UST: variants seen among roughly 807,000 people sequenced by gnomAD.
UST encodes chondroitin sulfate 2-O-sulfotransferase.
A neutral mutation model predicts 45.6 loss-of-function variants in UST; 21 were observed. The observed-to-expected ratio is 0.46, with a 90% CI of 0.33 to 0.66. The LOEUF (loss-of-function observed/expected upper bound fraction) is 0.66. Ranked by LOEUF, UST falls within the 30% of genes least tolerant of loss-of-function variation. The pLI is 0.02. For synonymous variants in UST, 215 were observed against 200.6 expected (o/e 1.07, Z -0.61); for missense variants, 463 against 512.4 (o/e 0.90, Z 0.93).
intron 1 of UST, among the ~76,000 whole-genome samples, chr6:148,861,035 C>T (rs1778302586): frequency 6.6e-6 from 1 of 152,186 alleles, no homozygotes; most frequent in East Asian, 1.9e-4. Context: ...AGGATTCCCT[C>T]TTTTTCTCTT....
At chr6:148,957,355 A>G (rs1780536252) in intron 4 of UST, among the ~76,000 whole-genome samples, 2 of 152,232 alleles carry the variant, frequency 1.3e-5, no homozygotes, top group Non-Finnish European at 2.9e-5. Context: ...TTCATTGTTT[A>G]AGGGAGTAGC....
chr6:148,844,445 A>G (rs529649803), intron 1 of UST, among the ~76,000 whole-genome samples: 1 of 152,300 alleles, frequency 6.6e-6, no homozygotes, highest in South Asian at 2.1e-4. Flanking sequence ...ATGTGCACAT[A>G]TCTTACATGT....
chr6:149,004,423 G>A (rs77408990), intron 5 of UST, among the ~76,000 whole-genome samples: 190 of 152,312 alleles, frequency 1.2e-3, no homozygotes, highest in African/African-American at 4.5e-3. Context: ...TGTAAGAGCC[G>A]GATGTCCACA....
chr6:148,995,982 G>C (rs187549299), intron 5 of UST, among the ~76,000 whole-genome samples: 2 of 152,314 alleles, frequency 1.3e-5, no homozygotes, highest in African/African-American at 4.8e-5. Context: ...TCAGCAGGGG[G>C]TGGGGGCAGA....
At chr6:148,990,951 T>G (rs1781339421) in intron 5 of UST, among the ~76,000 whole-genome samples, 1 of 152,076 alleles carries the variant, frequency 6.6e-6, no homozygotes, top group Non-Finnish European at 1.5e-5. Context: ...GGGCTGGCAC[T>G]CTCCTAAGCC....
At chr6:148,800,279 A>G (rs1048274471) in intron 1 of UST, among the ~76,000 whole-genome samples, 1 of 152,190 alleles carries the variant, frequency 6.6e-6, no homozygotes, top group African/African-American at 2.4e-5. Context: ...TCACTGAAAT[A>G]CTGTTTGCAA....
intron 2 of UST, among the ~76,000 whole-genome samples, chr6:148,902,996 T>C (rs1779289152): frequency 6.6e-6 from 1 of 152,204 alleles, no homozygotes; most frequent in Non-Finnish European, 1.5e-5. Flanking sequence ...GGTATTTTTA[T>C]TATTTTTTGG....
chr6:148,770,478 C>T (rs1033267494), intron 1 of UST, among the ~76,000 whole-genome samples: 1 of 151,784 alleles, frequency 6.6e-6, no homozygotes. Context: ...AGGTAGGCGC[C>T]TACAGTAAAA....
chr6:148,871,091 C>T (rs144056157), intron 1 of UST, among the ~76,000 whole-genome samples: 72 of 119,680 alleles, frequency 6.0e-4, no homozygotes, highest in South Asian at 1.5e-3. Context: ...CTTATAAGGA[C>T]GAAGGAGACA....
At chr6:148,780,749 T>G (rs2333861) in intron 1 of UST, among the ~76,000 whole-genome samples, 43,677 of 152,108 alleles carry the variant, frequency 0.29, 6,721 homozygotes, top group Non-Finnish European at 0.34. Flanking sequence ...CCATTTTTTC[T>G]GATAACATAT....
At chr6:148,955,127 A>G (rs1780460066) in intron 4 of UST, among the ~76,000 whole-genome samples, 1 of 152,202 alleles carries the variant, frequency 6.6e-6, no homozygotes, top group African/African-American at 2.4e-5. Flanking sequence ...CATGGGGTTG[A>G]CAGTTCCTTG....
At chr6:148,876,681 T>C (rs1447920784) in intron 1 of UST, among the ~76,000 whole-genome samples, 1 of 152,140 alleles carries the variant, frequency 6.6e-6, no homozygotes, top group African/African-American at 2.4e-5. Context: ...CTATTTAAAA[T>C]ACACAGCACC....
chr6:148,778,177 T>C (rs1348382550), intron 1 of UST, among the ~76,000 whole-genome samples: 1 of 152,224 alleles, frequency 6.6e-6, no homozygotes, highest in African/African-American at 2.4e-5. Flanking sequence ...AATTTTAACC[T>C]TCACCTTAGC....
At chr6:148,946,608 A>G (rs1431241227) in intron 3 of UST, among the ~76,000 whole-genome samples, 3 of 148,826 alleles carry the variant, frequency 2.0e-5, no homozygotes, top group Non-Finnish European at 4.5e-5. Flanking sequence ...TCAGGAGATC[A>G]AGACCATCCT....
At chr6:148,788,569 A>G (rs1339309842) in intron 1 of UST, among the ~76,000 whole-genome samples, 4 of 152,164 alleles carry the variant, frequency 2.6e-5, no homozygotes, top group African/African-American at 9.7e-5. Flanking sequence ...CAGATCACTT[A>G]TTATCCTCAT....
At chr6:149,008,758 G>C (rs1444029694) in intron 5 of UST, among the ~76,000 whole-genome samples, 1 of 152,186 alleles carries the variant, frequency 6.6e-6, no homozygotes, top group Non-Finnish European at 1.5e-5. Context: ...TCCCTACCTG[G>C]GAAAGCCCAG....
At chr6:148,798,720 A>G (rs2114713369) in intron 1 of UST, among the ~76,000 whole-genome samples, 1 of 152,282 alleles carries the variant, frequency 6.6e-6, no homozygotes, top group African/African-American at 2.4e-5. Context: ...CCAGGGCCAA[A>G]CACTGCCGAA....
rs115245604 is a variant in UST at position 148,778,844 on chromosome 6, G to C, written c.247+31167G>C. 2.4e-3 allele frequency among the ~76,000 whole-genome samples: 369 copies of C among 152,268 alleles called. 2 individuals carry two copies. The highest frequency in any genetic ancestry group is 8.5e-3 in the African/African-American group (352 of 41,540). ...AGTGGGGTCTTGAGCCAGAGCTCTG[G>C]TCATCTCTGATGACGACCAAGGCCC... is the stretch of plus-strand genomic sequence containing the variant. On this transcript the variant is annotated intron_variant, in intron 1 of 7. Transcript: ENST00000367463.
intron 1 of UST, among the ~76,000 whole-genome samples, chr6:148,839,948 T>C (rs1777858541): frequency 6.6e-6 from 1 of 152,178 alleles, no homozygotes; most frequent in African/African-American, 2.4e-5. Flanking sequence ...TTAGAGCTTT[T>C]TTCATAGTAC....
Sources: gnomAD v4.1 joint callset for allele counts (sites outside exome capture counted in the v4.1 genomes callset) on GRCh38, gnomAD v4.1.1 for gene constraint, MANE v1.5 for transcripts, NCBI Gene and HGNC (gene_info 2026-07-23, HGNC 2026-07-21) for gene names.